The following KAT6A variants were observed in gnomAD, a reference collection of about 807,000 sequenced individuals.
KAT6A encodes the protein lysine acetyltransferase 6A, also known as histone acetyltransferase KAT6A.
KAT6A carries 9 observed loss-of-function variants against 198.4 expected under a neutral mutation model. The ratio of observed to expected loss-of-function variants is 0.05; its 90% CI spans 0.03 to 0.08. KAT6A has a LOEUF of 0.08. Among genes scored for constraint, KAT6A ranks in the 10% least tolerant of loss-of-function variants. KAT6A has a pLI of 1.00. For missense variants in KAT6A, 2,077 were observed against 2,509.9 expected (o/e 0.83, Z 3.69); for synonymous variants, 890 against 883.0 (o/e 1.01, Z -0.14).
chr8:41,987,617 T>A, intron 2 of KAT6A, 54 bp from the exon 3 acceptor site: 1 of 990,694 alleles, frequency 1.0e-6, no homozygotes, highest in Non-Finnish European at 1.6e-6. Flanking sequence ...TTAGTATTAC[T>A]ACAAAGACAT....
At chr8:42,002,459 G>C (rs976463156) in intron 2 of KAT6A, among the ~76,000 whole-genome samples, 1 of 152,178 alleles carries the variant, frequency 6.6e-6, no homozygotes, top group African/African-American at 2.4e-5. Flanking sequence ...TACTCGGGAG[G>C]CTGAAGCACG....
Position 41,946,493 on chromosome 8 carries a change from TACACACACACAC to T in KAT6A, c.1996+86_1996+97del, listed in dbSNP as rs60247515. ...CTACAAATCTTTAAATATATATATA[TACACACACACAC>T]ACACACACACACACACACACACACA... On this transcript the variant is annotated intron_variant, in intron 12 of 16. Transcript: ENST00000265713. 1.1e-3 allele frequency: 366 copies of T among 323,572 alleles called. 1 individual carries two copies. Among genetic ancestry groups the T allele is most frequent in the African/African-American group, 1.6e-3 (26 of 16,642 alleles). The allele number at this position is 323,572 out of a possible 1,614,324, so 20.0% of individuals were successfully genotyped here. A position where few individuals can be genotyped will look rare whatever the true frequency, so the allele number is the denominator to read the frequency against.
chr8:41,936,528 C>A (rs1407969456), intron 16 of KAT6A, among the ~76,000 whole-genome samples: 1 of 152,116 alleles, frequency 6.6e-6, no homozygotes. Flanking sequence ...GAGACACTGG[C>A]AAAACTTTAG....
intron 2 of KAT6A, among the ~76,000 whole-genome samples, chr8:42,010,575 C>A (rs1825976826): frequency 1.3e-5 from 2 of 152,164 alleles, no homozygotes; most frequent in South Asian, 2.1e-4. Flanking sequence ...CGATTCCAAA[C>A]CCTCAGCCTC....
In KAT6A at chr8:42,044,983, T is replaced by C. The variant is rs143106751; in HGVS notation, c.600+3395A>G. Among the ~76,000 whole-genome samples, 499 of 152,308 alleles carry C rather than the reference T, an allele frequency of 3.3e-3. 2 individuals carry two copies. The highest frequency in any genetic ancestry group is 0.011 in the African/African-American group (469 of 41,570). ...TTCGAAGGAGAGGAAAGAAAATAGT[T>C]AAAATACAATAAAAGGAGCAGACAT... is the stretch of plus-strand genomic sequence containing the variant. On this transcript the variant is annotated intron_variant, in intron 2 of 16. Transcript: ENST00000265713.
At position 42,048,807 on chromosome 8, in the gene KAT6A, A is replaced by G. The variant is rs374785439; in HGVS notation, c.171T>C (p.Asp57=). 2.1e-5 allele frequency: 34 copies of G among 1,614,010 alleles called. No homozygotes were observed. Among genetic ancestry groups the G allele is most frequent in the Non-Finnish European group, 2.7e-5 (32 of 1,180,012 alleles). ...TATTTGAGACTTTTAAAATTGTTCC[A>G]TCTTTAACACTCAACTCCAATTGTT... The part of the protein sequence containing the change: ...VLEQLELSVK[D]GTILKVSNKG... The change falls in exon 2 of 17, where the codon GAT becomes GAC. Residue 57 remains aspartate, a synonymous_variant. Coordinates refer to ENST00000265713, the MANE Select transcript of KAT6A (RefSeq NM_006766.5).
At chr8:42,037,269 C>A (rs182683455) in intron 2 of KAT6A, among the ~76,000 whole-genome samples, 16 of 152,068 alleles carry the variant, frequency 1.1e-4, no homozygotes, top group African/African-American at 3.4e-4. Flanking sequence ...TAAAGAAAAA[C>A]TGAGTGGCAT....
chr8:42,043,400 T>C (rs1354857037), intron 2 of KAT6A: 6 of 152,222 alleles, frequency 3.9e-5, no homozygotes, highest in Non-Finnish European at 8.8e-5. Flanking sequence ...AACTGATCCC[T>C]ACCTTGCCTA....
rs570371619 is a variant in KAT6A at position 41,940,564 on chromosome 8, A to C, written c.3039+278T>G. ...TCATGATTTGAACATCAAACCAGTA[A>C]GCTAAAAAAAAGTTTGTTTGCATCC... On this transcript the variant is annotated intron_variant, in intron 15 of 16. Coordinates refer to ENST00000265713, the MANE Select transcript of KAT6A (RefSeq NM_006766.5). Among the ~76,000 whole-genome samples the C allele has an allele frequency of 2.6e-5, 4 of 152,324 alleles. No individual in the cohort carries two copies. In the East Asian group the frequency reaches 7.7e-4, roughly 29 times the overall value.
intron 2 of KAT6A, among the ~76,000 whole-genome samples, chr8:41,989,914 A>G (rs1824843848): frequency 2.0e-5 from 3 of 152,266 alleles, no homozygotes; most frequent in Admixed American, 6.5e-5. Context: ...AGAGACTGAG[A>G]GATGAACGGC....
chr8:42,000,778 A>T (rs1230985613), intron 2 of KAT6A, among the ~76,000 whole-genome samples: 1 of 152,208 alleles, frequency 6.6e-6, no homozygotes, highest in Non-Finnish European at 1.5e-5. Flanking sequence ...CTGCTATCAG[A>T]ATCATGATGT....
chr8:42,041,592 G>A (rs1462464803), intron 2 of KAT6A, among the ~76,000 whole-genome samples: 2 of 152,124 alleles, frequency 1.3e-5, no homozygotes, highest in African/African-American at 4.8e-5. Flanking sequence ...ACAAAAATTA[G>A]GTAGGTATGG....
At chr8:42,033,538 A>G (rs75063620) in intron 2 of KAT6A, among the ~76,000 whole-genome samples, 8 of 152,154 alleles carry the variant, frequency 5.3e-5, no homozygotes, top group African/African-American at 1.9e-4. Context: ...GCCTTTGTAC[A>G]TGCTGTTCCC....
Position 41,933,117 on chromosome 8 carries a change from C to T in KAT6A, c.5103G>A (p.Pro1701=), listed in dbSNP as rs764377486. The T allele has an allele frequency of 2.8e-5, 6 of 216,238 alleles. No homozygotes were observed. The highest frequency in any genetic ancestry group is 1.5e-4 in the East Asian group (1 of 6,558). 13.4% of individuals were successfully genotyped at this position (216,238 alleles called of 1,614,324 possible). Residue 1701 remains proline (P), a synonymous_variant, in exon 17 of 17, where the codon CCG becomes CCA. Coordinates refer to ENST00000265713, the MANE Select transcript of KAT6A (RefSeq NM_006766.5). The surrounding 1 kb of genome is among the most constrained non-coding windows in gnomAD (Gnocchi z 6.2). ...TGTTATTCATACTACACTGTGACAG[C>T]GGGGGCTGCTGCTGGGGAGGGGGTG... ...PPPPPPQQQP[P]LSQCSMNNSF...
intron 6 of KAT6A, among the ~76,000 whole-genome samples, chr8:41,977,986 TATC>T (rs1824146725): frequency 6.6e-6 from 1 of 152,232 alleles, no homozygotes; most frequent in African/African-American, 2.4e-5. Flanking sequence ...GACGTTTACA[TATC>T]ATCAAAGGTG....
At chr8:42,009,025 A>T (rs529319264) in intron 2 of KAT6A, among the ~76,000 whole-genome samples, 1 of 152,366 alleles carries the variant, frequency 6.6e-6, no homozygotes, top group Non-Finnish European at 1.5e-5. Context: ...GCACCCCTGT[A>T]CAAGGCTGGC....
At chr8:42,010,816 C>G (rs1825986146) in intron 2 of KAT6A, among the ~76,000 whole-genome samples, 1 of 152,202 alleles carries the variant, frequency 6.6e-6, no homozygotes, top group African/African-American at 2.4e-5. Context: ...ACACCAGATT[C>G]TTCTTTGCTT....
intron 2 of KAT6A, among the ~76,000 whole-genome samples, chr8:41,999,098 T>C (rs1292260605): frequency 2.6e-5 from 4 of 152,122 alleles, no homozygotes; most frequent in Non-Finnish European, 5.9e-5. Flanking sequence ...CAATTTCCAC[T>C]TTTACTATGT....
In KAT6A at chr8:42,031,468, C is replaced by T. The variant is rs74608813; in HGVS notation, c.600+16910G>A. Among the ~76,000 whole-genome samples, 1,053 of 152,064 alleles carry T rather than the reference C, an allele frequency of 6.9e-3. 10 individuals carry two copies. The highest frequency in any genetic ancestry group is 0.024 in the African/African-American group (986 of 41,456). ...AATCAACCTAATTTCTATCATCCCC[C>T]TTCTAGTTCAAACATGATGGTTTCA... On this transcript the variant is annotated intron_variant, in intron 2 of 16. Coordinates refer to ENST00000265713, the MANE Select transcript of KAT6A (RefSeq NM_006766.5).
Sources: allele counts gnomAD v4.1 joint callset (sites outside exome capture counted in the v4.1 genomes callset), GRCh38; gene constraint gnomAD v4.1.1; non-coding constraint Gnocchi (gnomAD v3.1); transcripts MANE v1.5; gene names NCBI Gene and HGNC (gene_info 2026-07-23, HGNC 2026-07-21).